Variants in TEPSIN observed in about 807,000 individuals in gnomAD.
TEPSIN encodes the protein AP-4 complex accessory subunit tepsin.
A neutral mutation model predicts 48.5 loss-of-function variants in TEPSIN; 50 were observed. The observed-to-expected ratio is 1.03, with a 90% confidence interval of 0.82 to 1.31. TEPSIN has a LOEUF of 1.31. Among genes scored for constraint, TEPSIN ranks in the 50% most tolerant of loss-of-function variants. TEPSIN has a pLI of 0.00. For synonymous variants in TEPSIN, 392 were observed against 358.8 expected (o/e 1.09, Z -1.05); for missense variants, 838 against 815.9 (o/e 1.03, Z -0.33).
Position 81,231,519 on chromosome 17 carries a change from C to T in TEPSIN, c.1020-43G>A, listed in dbSNP as rs573804749. 30 of 1,576,134 alleles carry T rather than the reference C, an allele frequency of 1.9e-5. No individual in the cohort carries two copies. The East Asian group carries it at 7.1e-4, about 37-fold the overall frequency. ...CTGGGTGGCGGGTGCGGCCCGTTCCCTCCTCCCTCGCCCACGGTTGGGGCT... is the reference window on the plus strand; with the variant it reads ...CTGGGTGGCGGGTGCGGCCCGTTCCTTCCTCCCTCGCCCACGGTTGGGGCT... On this transcript the variant is annotated intron_variant, in intron 10 of 12. Transcript: ENST00000637944.
intron 1 of TEPSIN, chr17:81,238,778 G>GGGTCCGGCTTGGAA: frequency 1.5e-6 from 2 of 1,312,742 alleles, no homozygotes; most frequent in South Asian, 2.2e-5. Flanking sequence ...TGCGCTCGGC[G>GGGTCCGGCTTGGAA]GGTCCGGCTT....
Position 81,232,027 on chromosome 17 carries a change from G to C in TEPSIN, c.731-6C>G. On this transcript the variant is annotated splice_region_variant and splice_polypyrimidine_tract_variant and intron_variant, in intron 8 of 12. Coordinates refer to ENST00000637944, the MANE Select transcript of TEPSIN (RefSeq NM_001363764.2). ...CCCAGGCTGATGCCTCACAGCTGGA[G>C]GAAACAGGACAGCCGGTGAGATCCC... is the stretch of plus-strand genomic sequence containing the variant. 6.2e-7 allele frequency: 1 copy of C among 1,606,096 alleles called. No individual in the cohort carries two copies. The highest frequency in any genetic ancestry group is 8.5e-7 in the Non-Finnish European group (1 of 1,179,280).
At chr17:81,232,280 C>T in intron 8 of TEPSIN, 35 bp downstream of exon 8, 2 of 1,490,466 alleles carry the variant, frequency 1.3e-6, no homozygotes, top group Non-Finnish European at 1.8e-6. Flanking sequence ...AAGGAGTGAC[C>T]CAGACCCCAA....
chr17:81,228,550 G>A lies in TEPSIN; in HGVS notation c.*378C>T. The A allele has an allele frequency of 6.3e-6, 2 of 315,410 alleles. No homozygotes were observed. The highest frequency in any genetic ancestry group is 1.2e-5 in the Non-Finnish European group (2 of 168,986). 19.5% of individuals were successfully genotyped at this position (315,410 alleles called of 1,614,324 possible). ...CCTAGCCCACCCCGATGGGACGGGG[G>A]AGCAGTGGCTTGTTGCTGCTCATGA... On this transcript the variant is annotated 3_prime_UTR_variant, in exon 13 of 13. Transcript: ENST00000637944.
chr17:81,233,542 C>T lies in TEPSIN; in HGVS notation c.455-39G>A, dbSNP rs762887435. The T allele has an allele frequency of 1.3e-6, 2 of 1,566,336 alleles. No homozygotes were observed. Among genetic ancestry groups the T allele is most frequent in the African/African-American group, 1.3e-5 (1 of 74,140 alleles). ...TCCGTTAGCAGCAAGCCGGCCCCCA[C>T]CCTCGGCCCTGCCCACGGATGGCAC... On this transcript the variant is annotated intron_variant, in intron 6 of 12. Transcript: ENST00000637944. This position sits in a 1 kb window ranked among gnomAD's most constrained non-coding sequence, Gnocchi z 5.8.
At chr17:81,238,091 TATTTAACAG>T (rs2062758308) in intron 1 of TEPSIN, 1 of 986,464 alleles carries the variant, frequency 1.0e-6, no homozygotes. Context: ...AGTTCAAGAG[TATTTAACAG>T]GACAAGCATG....
Position 81,234,357 on chromosome 17 carries a change from A to G in TEPSIN, c.308-309T>C. ...CCCCGAAGCCCACTCTCCCTGCCCC[A>G]GGTGCACCAGGGACCCCTCAGAGGC... On this transcript the variant is annotated intron_variant, in intron 4 of 12. Coordinates refer to ENST00000637944, the MANE Select transcript of TEPSIN (RefSeq NM_001363764.2). This position sits in a 1 kb window ranked among gnomAD's most constrained non-coding sequence, Gnocchi z 5.4. 3.5e-6 allele frequency: 1 copy of G among 284,786 alleles called. No homozygotes were observed. Among genetic ancestry groups the G allele is most frequent in the Non-Finnish European group, 6.5e-6 (1 of 153,658 alleles). 17.6% of individuals were successfully genotyped at this position (284,786 alleles called of 1,614,324 possible).
At chr17:81,236,428 C>T (rs1395573205) in intron 4 of TEPSIN, among the ~76,000 whole-genome samples, 1 of 152,130 alleles carries the variant, frequency 6.6e-6, no homozygotes, top group Non-Finnish European at 1.5e-5. Context: ...CAGGGACAGA[C>T]GCAGCCAAAG....
chr17:81,232,321 G>C lies in TEPSIN; in HGVS notation c.724C>G (p.Pro242Ala). The C allele has an allele frequency of 6.5e-7, 1 of 1,528,600 alleles. No homozygotes were observed. Among genetic ancestry groups the C allele is most frequent in the Non-Finnish European group, 8.8e-7 (1 of 1,141,374 alleles). The allele number at this position is 1,528,600 out of a possible 1,614,324, so 94.7% of individuals were successfully genotyped here. A position where few individuals can be genotyped will look rare whatever the true frequency, so the allele number is the denominator to read the frequency against. ...GNLLPGAIPG[P>A]RAVRHQPGQA... is the part of the protein sequence containing the mutation. ...GGAGCCCTCGCCTCGATACCTCGGG[G>C]ACCTGGAATGGCCCCGGGGAGTAGG... is the stretch of plus-strand genomic sequence containing the variant. Residue 242 changes from proline (P) to alanine (A), a missense_variant, in exon 8 of 13, where the codon CCC becomes GCC. Physicochemically the swap from Pro to Ala is conservative, Grantham distance 27. Coordinates refer to ENST00000637944, the MANE Select transcript of TEPSIN (RefSeq NM_001363764.2).
At chr17:81,235,307 G>A (rs1405387571) in intron 4 of TEPSIN, among the ~76,000 whole-genome samples, 3 of 152,164 alleles carry the variant, frequency 2.0e-5, no homozygotes, top group Non-Finnish European at 2.9e-5. Flanking sequence ...TCCTCTTTCT[G>A]ACGCTCTGCG....
chr17:81,229,063 GC>G lies in TEPSIN; in HGVS notation c.1646del (p.Arg549ProfsTer43), dbSNP rs1437866327. ...CCGCAGCAGCCCCAGCCCCCACCAG[GC>G]GGGGACAGGCCACCAGCTCCATGCC... Reference protein sequence around the residue: ...FAGMELVACPRLVGAGAAAGE... With the variant: ...FAGMELVACPXLVGAGAAAGE... On this transcript the variant is annotated frameshift_variant, in exon 13 of 13. Coordinates refer to ENST00000637944, the MANE Select transcript of TEPSIN (RefSeq NM_001363764.2). LOFTEE classifies it low-confidence loss of function (END_TRUNC). The G allele has an allele frequency of 1.2e-6, 2 of 1,613,428 alleles. No individual in the cohort carries two copies. The highest frequency in any genetic ancestry group is 3.3e-5 in the Admixed American group (2 of 59,990).
Position 81,234,159 on chromosome 17 carries a change from G to T in TEPSIN, c.308-111C>A. ...AGGGTGGCAAGTTCCTGCCACCAAGGCCCTTCTGTCACAGCCAATGGGATG... is the reference window on the plus strand; with the variant it reads ...AGGGTGGCAAGTTCCTGCCACCAAGTCCCTTCTGTCACAGCCAATGGGATG... On this transcript the variant is annotated intron_variant, in intron 4 of 12. Transcript: ENST00000637944. The surrounding 1 kb of genome is among the most constrained non-coding windows in gnomAD (Gnocchi z 5.4). 1 of 959,256 alleles carries T rather than the reference G, an allele frequency of 1.0e-6. No homozygotes were observed. Among genetic ancestry groups the T allele is most frequent in the South Asian group, 1.9e-5 (1 of 52,032 alleles). The allele number at this position is 959,256 out of a possible 1,614,324, so 59.4% of individuals were successfully genotyped here.
In TEPSIN at chr17:81,228,552, G is replaced by C. The variant is rs2062513546; in HGVS notation, c.*376C>G. ...TAGCCCACCCCGATGGGACGGGGGA[G>C]CAGTGGCTTGTTGCTGCTCATGACC... On this transcript the variant is annotated 3_prime_UTR_variant, in exon 13 of 13. Transcript: ENST00000637944. 6.3e-6 allele frequency: 2 copies of C among 315,934 alleles called. No homozygotes were observed. The highest frequency in any genetic ancestry group is 2.3e-5 in the African/African-American group (1 of 43,694). 19.6% of individuals were successfully genotyped at this position (315,934 alleles called of 1,614,324 possible). A position where few individuals can be genotyped will look rare whatever the true frequency, so the allele number is the denominator to read the frequency against.
In TEPSIN at chr17:81,231,482, C is replaced by T. The variant is rs376691107; in HGVS notation, c.1020-6G>A. The T allele has an allele frequency of 3.8e-6, 6 of 1,568,794 alleles. No homozygotes were observed. Among genetic ancestry groups the T allele is most frequent in the Non-Finnish European group, 5.2e-6 (6 of 1,156,740 alleles). ...CACAGTTGAGCAGTCCACACCTGCA[C>T]AGAGGGGACACCTGGGTGGCGGGTG... On this transcript the variant is annotated splice_polypyrimidine_tract_variant and splice_region_variant and intron_variant, in intron 10 of 12. Coordinates refer to ENST00000637944, the MANE Select transcript of TEPSIN (RefSeq NM_001363764.2).
At chr17:81,237,595 G>C in intron 1 of TEPSIN, 136 bp from the exon 2 acceptor site, 1 of 916,476 alleles carries the variant, frequency 1.1e-6, no homozygotes, top group Middle Eastern at 3.0e-4. Flanking sequence ...GAAGGGATGA[G>C]AACTGTGCTA....
chr17:81,230,989 G>A lies in TEPSIN; in HGVS notation c.1099-311C>T. 1 of 504,760 alleles carries A rather than the reference G, an allele frequency of 2.0e-6. No individual in the cohort carries two copies. Among genetic ancestry groups the A allele is most frequent in the Non-Finnish European group, 3.5e-6 (1 of 284,482 alleles). The allele number at this position is 504,760 out of a possible 1,614,324, so 31.3% of individuals were successfully genotyped here. ...GCTCCTGGACAGACCCCAGCGAGAA[G>A]CACGTGACCTGCTGCCCCGATTGCC... On this transcript the variant is annotated intron_variant, in intron 11 of 12. Transcript: ENST00000637944. The surrounding 1 kb of genome is among the most constrained non-coding windows in gnomAD (Gnocchi z 4.2).
intron 12 of TEPSIN, chr17:81,229,725 T>C (rs2146820570): frequency 1.8e-6 from 1 of 551,842 alleles, no homozygotes; most frequent in Non-Finnish European, 3.2e-6. Flanking sequence ...CTTGCTCCTT[T>C]ACTCACTACT....
chr17:81,238,145 C>A, intron 1 of TEPSIN: 3 of 985,544 alleles, frequency 3.0e-6, no homozygotes, highest in Non-Finnish European at 2.4e-6. Flanking sequence ...GCCTTTCGGT[C>A]GGAAGGGCCG....
Position 81,232,483 on chromosome 17 carries a change from T to A in TEPSIN, c.562A>T (p.Lys188Ter). Residue 188 changes from lysine to a stop codon, truncating the protein, a stop_gained, in exon 8 of 13, where the codon AAG (lysine) becomes TAG (stop). Coordinates refer to ENST00000637944, the MANE Select transcript of TEPSIN (RefSeq NM_001363764.2). LOFTEE classifies it high-confidence loss of function. ...AGEAFLSTIQ[K>*]AAEVVASAMR... is the part of the protein sequence containing the mutation. Reference sequence around the variant, plus strand: ...GCGCTGGCCACCACCTCTGCGGCCTTCTGGATGGTGGAGAGGAAGGCTTCG... The same window carrying A: ...GCGCTGGCCACCACCTCTGCGGCCTACTGGATGGTGGAGAGGAAGGCTTCG... 1 of 1,534,498 alleles carries A rather than the reference T, an allele frequency of 6.5e-7. No individual in the cohort carries two copies. Among genetic ancestry groups the A allele is most frequent in the Non-Finnish European group, 8.7e-7 (1 of 1,146,196 alleles).
Sources: allele counts gnomAD v4.1 joint callset (sites outside exome capture counted in the v4.1 genomes callset), GRCh38; gene constraint gnomAD v4.1.1; non-coding constraint Gnocchi (gnomAD v3.1); transcripts MANE v1.5; gene names NCBI Gene and HGNC (gene_info 2026-07-23, HGNC 2026-07-21).